Variants in STRN observed in about 807,000 individuals in gnomAD.
The protein encoded by STRN is striatin.
STRN carries 53 observed loss-of-function variants against 96.3 expected under a neutral mutation model. The ratio of observed to expected loss-of-function variants is 0.55; its 90% CI spans 0.44 to 0.69. The LOEUF is 0.69. Among genes scored for constraint, STRN ranks in the 30% least tolerant of loss-of-function variants. The pLI, the probability that STRN is intolerant of heterozygous loss-of-function variation, is 0.00. For synonymous variants in STRN, 428 were observed against 355.9 expected, an observed-to-expected ratio of 1.20 and a Z score of -2.28; for missense variants, 987 against 963.9, an observed-to-expected ratio of 1.02 and a Z score of -0.32.
chr2:36,846,519 CATT>C lies in STRN; in HGVS notation c.*2934_*2936del, dbSNP rs72259176. On this transcript the variant is annotated 3_prime_UTR_variant, in exon 18 of 18. Transcript: ENST00000263918. ...TAGACATTTTCAAATAAATCTTCAT[CATT>C]ATCTCCAAAAGAAATTTATAGCAAG... 979 of 144,876 alleles carry C rather than the reference CATT, an allele frequency of 6.8e-3. 14 individuals are homozygous for C. Among genetic ancestry groups the C allele is most frequent in the African/African-American group, 0.024 (933 of 38,896 alleles). 9.0% of individuals were successfully genotyped at this position (144,876 alleles called of 1,614,324 possible). A position where few individuals can be genotyped will look rare whatever the true frequency, so the allele number is the denominator to read the frequency against.
chr2:36,894,385 AT>A (rs1669485386), intron 6 of STRN, among the ~76,000 whole-genome samples: 1 of 152,084 alleles, frequency 6.6e-6, no homozygotes, highest in Non-Finnish European at 1.5e-5. Flanking sequence ...CCATGTATTT[AT>A]TTTTTTCCCT....
At chr2:36,862,985 AGT>A (rs1435601774) in intron 12 of STRN, among the ~76,000 whole-genome samples, 1 of 152,032 alleles carries the variant, frequency 6.6e-6, no homozygotes, top group African/African-American at 2.4e-5. Flanking sequence ...GGCCTCCCAA[AGT>A]GCTGGGATTA....
intron 2 of STRN, among the ~76,000 whole-genome samples, chr2:36,922,050 G>C (rs1165662101): frequency 6.6e-6 from 1 of 152,092 alleles, no homozygotes; most frequent in South Asian, 2.1e-4. Context: ...TTGCTCTTAG[G>C]AAATATACAC....
chr2:36,915,237 ATATATATATAT>A (rs1157906680), intron 3 of STRN, among the ~76,000 whole-genome samples: 1 of 35,976 alleles, frequency 2.8e-5, no homozygotes, highest in African/African-American at 2.7e-4. Context: ...ACATAAATAT[ATATATATATAT>A]ATATATATAT....
At chr2:36,930,938 C>T (rs901495064) in intron 1 of STRN, among the ~76,000 whole-genome samples, 9 of 151,666 alleles carry the variant, frequency 5.9e-5, no homozygotes, top group Non-Finnish European at 1.0e-4. Flanking sequence ...CTGGCTCAGG[C>T]AGGAGAACTG....
At chr2:36,863,586 G>C (rs761801740) in intron 12 of STRN, among the ~76,000 whole-genome samples, 33 of 152,220 alleles carry the variant, frequency 2.2e-4, no homozygotes, top group Non-Finnish European at 4.0e-4. Context: ...CTGTAGTATA[G>C]TTTGAAGTCA....
Position 36,966,268 on chromosome 2 carries a change from C to G in STRN, c.196G>C (p.Glu66Gln). The change falls in exon 1 of 18, where the codon GAG (glutamate) becomes CAG (glutamine). Residue 66 changes from glutamate to glutamine, a missense_variant. Coordinates refer to ENST00000263918, the MANE Select transcript of STRN (RefSeq NM_003162.4). ...LQHEWARFEVERAQWEVERAE... is the reference protein window; with the variant it reads ...LQHEWARFEVQRAQWEVERAE... ...CGCTCCACCTCCCACTGGGCTCTCT[C>G]CACCTCGAAGCGGGCCCACTCGTGC... 6.3e-7 allele frequency: 1 copy of G among 1,587,992 alleles called. No individual in the cohort carries two copies. Among genetic ancestry groups the G allele is most frequent in the Admixed American group, 1.7e-5 (1 of 57,866 alleles).
Position 36,904,828 on chromosome 2 carries a change from A to AAATG in STRN, c.491+708_491+711dup, listed in dbSNP as rs576768025. ...GAGCGACAGAGTGAGACTCCATCTC[A>AAATG]AATGAATGACTGAATGAATGAATGA... On this transcript the variant is annotated intron_variant, in intron 4 of 17. Transcript: ENST00000263918. Among the ~76,000 whole-genome samples, 60 of 150,940 alleles carry AAATG rather than the reference A, an allele frequency of 4.0e-4. No individual in the cohort carries two copies. In the East Asian group the frequency reaches 0.01, roughly 25 times the overall value.
At chr2:36,906,233 G>A (rs1019554594) in intron 3 of STRN, among the ~76,000 whole-genome samples, 2 of 152,160 alleles carry the variant, frequency 1.3e-5, no homozygotes, top group African/African-American at 4.8e-5. Context: ...GGAGGCCAAG[G>A]CAGGTGGATC....
At chr2:36,872,710 T>G (rs1173251485) in intron 10 of STRN, among the ~76,000 whole-genome samples, 1 of 152,180 alleles carries the variant, frequency 6.6e-6, no homozygotes. Context: ...AGGACTAAGT[T>G]CCATTACATA....
intron 10 of STRN, among the ~76,000 whole-genome samples, chr2:36,876,904 C>T (rs961668605): frequency 2.6e-5 from 4 of 151,964 alleles, no homozygotes; most frequent in Non-Finnish European, 5.9e-5. Context: ...CCTGCCACCA[C>T]GCCTGGCTAA....
At chr2:36,922,193 C>T (rs1346008012) in intron 2 of STRN, among the ~76,000 whole-genome samples, 1 of 152,014 alleles carries the variant, frequency 6.6e-6, no homozygotes, top group Non-Finnish European at 1.5e-5. Flanking sequence ...ATACAAGATT[C>T]TTGCAACTCC....
intron 2 of STRN, among the ~76,000 whole-genome samples, chr2:36,917,939 A>T (rs993604291): frequency 1.3e-5 from 2 of 152,206 alleles, no homozygotes; most frequent in Non-Finnish European, 2.9e-5. Flanking sequence ...TATCTATTTC[A>T]TTAGCCTATG....
chr2:36,894,184 A>C lies in STRN; in HGVS notation c.796-151T>G. The C allele has an allele frequency of 1.0e-5, 9 of 893,194 alleles. 1 individual carries two copies. In the South Asian group the frequency reaches 2.0e-4, roughly 20 times the overall value. The allele number at this position is 893,194 out of a possible 1,614,324, so 55.3% of individuals were successfully genotyped here. A position where few individuals can be genotyped will look rare whatever the true frequency, so the allele number is the denominator to read the frequency against. ...AGTGAAAATCACATAGTTTTAAAAAATATGTACATTATAAATTTTAAAGCA... is the reference window on the plus strand; with the variant it reads ...AGTGAAAATCACATAGTTTTAAAAACTATGTACATTATAAATTTTAAAGCA... On this transcript the variant is annotated intron_variant, in intron 6 of 17. Transcript: ENST00000263918.
Position 36,861,128 on chromosome 2 carries a change from C to T in STRN, c.1669+4G>A, listed in dbSNP as rs1184144209. The T allele has an allele frequency of 6.2e-7, 1 of 1,612,068 alleles. No homozygotes were observed. The highest frequency in any genetic ancestry group is 8.5e-7 in the Non-Finnish European group (1 of 1,179,480). On this transcript the variant is annotated splice_donor_region_variant and intron_variant, in intron 13 of 17. Transcript: ENST00000263918. ...TTCCTTCAGATCTTTGGGAAATCAC[C>T]TACCATAAGAATCATAGGGGTCGAT...
intron 7 of STRN, among the ~76,000 whole-genome samples, chr2:36,887,266 AAAATAAATAAATAAATAAAT>A (rs34577574): frequency 2.3e-4 from 32 of 136,472 alleles, no homozygotes; most frequent in East Asian, 4.4e-4. Flanking sequence ...CATTTCTAGT[AAAATAAATAAATAAATAAAT>A]AAATAAATAA....
intron 9 of STRN, among the ~76,000 whole-genome samples, chr2:36,880,991 G>A (rs1306995936): frequency 1.3e-5 from 2 of 151,964 alleles, no homozygotes; most frequent in East Asian, 1.9e-4. Context: ...TGTTCCTAAG[G>A]AGCCTTAGAA....
At chr2:36,952,722 A>G (rs1664790246) in intron 1 of STRN, among the ~76,000 whole-genome samples, 1 of 152,226 alleles carries the variant, frequency 6.6e-6, no homozygotes, top group African/African-American at 2.4e-5. Context: ...AGAAGAAACA[A>G]AAGATAAAGT....
chr2:36,912,380 C>T (rs1430688531), intron 3 of STRN, among the ~76,000 whole-genome samples: 1 of 152,176 alleles, frequency 6.6e-6, no homozygotes, highest in Non-Finnish European at 1.5e-5. Context: ...TTTCTGCCCT[C>T]ACCTCTCTCC....
Sources: allele counts gnomAD v4.1 joint callset (sites outside exome capture counted in the v4.1 genomes callset), GRCh38; gene constraint gnomAD v4.1.1; transcripts MANE v1.5; gene names NCBI Gene and HGNC (gene_info 2026-07-23, HGNC 2026-07-21).